Variants in SHANK2 observed in about 807,000 individuals in gnomAD.
SHANK2 encodes SH3 and multiple ankyrin repeat domains protein 2.
Under a neutral mutation model 133.7 loss-of-function variants are expected in SHANK2, and 43 were observed. That is an observed-to-expected ratio of 0.32 (90% CI 0.25 to 0.41). The LOEUF (loss-of-function observed/expected upper bound fraction) is 0.41, where lower values mean the gene tolerates loss of function less well. Among genes scored for constraint, SHANK2 ranks in the 10% least tolerant of loss-of-function variants. The pLI is 1.00. For synonymous variants in SHANK2, 1,017 were observed against 952.8 expected (o/e 1.07, Z -1.24); for missense variants, 1,994 against 2,235.8 (o/e 0.89, Z 2.18).
intron 8 of SHANK2, among the ~76,000 whole-genome samples, chr11:71,086,320 G>A (rs1451658533): frequency 8.6e-6 from 1 of 116,282 alleles, no homozygotes; most frequent in Non-Finnish European, 1.6e-5. Flanking sequence ...TATAGTATAT[G>A]TTATATTATA....
At chr11:70,921,838 G>C (rs1439468446) in intron 10 of SHANK2, among the ~76,000 whole-genome samples, 1 of 152,164 alleles carries the variant, frequency 6.6e-6, no homozygotes, top group Admixed American at 6.5e-5. Context: ...ACATTACCTA[G>C]AGTCTCCATA....
chr11:70,899,876 G>A (rs1390298072), intron 10 of SHANK2, among the ~76,000 whole-genome samples: 1 of 152,256 alleles, frequency 6.6e-6, no homozygotes, highest in African/African-American at 2.4e-5. Flanking sequence ...GAGGTGGAGG[G>A]CATGGGCTCT....
intron 3 of SHANK2, among the ~76,000 whole-genome samples, chr11:71,134,312 T>C (rs1356131685): frequency 2.0e-5 from 3 of 151,418 alleles, no homozygotes; most frequent in Non-Finnish European, 4.4e-5. Context: ...TGGGGTTTCC[T>C]CTTGGGGGGA....
intron 2 of SHANK2, among the ~76,000 whole-genome samples, chr11:71,213,200 T>C (rs1263856635): frequency 6.6e-6 from 1 of 151,988 alleles, no homozygotes; most frequent in Non-Finnish European, 1.5e-5. Flanking sequence ...CAGGGACTCC[T>C]AGCAGCTGAG....
chr11:70,916,166 T>C lies in SHANK2; in HGVS notation c.1108-19599A>G, dbSNP rs189465881. Among the ~76,000 whole-genome samples, 29 of 152,336 alleles carry C rather than the reference T, an allele frequency of 1.9e-4. No individual in the cohort carries two copies. The East Asian group carries it at 5.6e-3, about 29-fold the overall frequency. ...CTAAACCGGGCAATGTGTCTACCTG[T>C]GAATCCTGAGGGATAAAGGACATTC... On this transcript the variant is annotated intron_variant, in intron 10 of 25. Coordinates refer to ENST00000601538, the MANE Select transcript of SHANK2 (RefSeq NM_012309.5).
At chr11:71,106,140 T>G (rs1951799029) in intron 6 of SHANK2, among the ~76,000 whole-genome samples, 1 of 152,206 alleles carries the variant, frequency 6.6e-6, no homozygotes, top group Non-Finnish European at 1.5e-5. Context: ...CTAAAACTGC[T>G]CTAAAAAATC....
At chr11:70,815,333 G>A (rs1314968468) in intron 12 of SHANK2, among the ~76,000 whole-genome samples, 1 of 152,088 alleles carries the variant, frequency 6.6e-6, no homozygotes, top group Non-Finnish European at 1.5e-5. Context: ...GAGGATGGGG[G>A]CAGGGACAAG....
At chr11:70,599,909 A>AAGAAAGAAAG (rs2060463210) in intron 17 of SHANK2, among the ~76,000 whole-genome samples, 1 of 37,506 alleles carries the variant, frequency 2.7e-5, no homozygotes, top group African/African-American at 1.2e-4. Context: ...AAGAAAGAGA[A>AAGAAAGAAAG]AGAAAGAAAG....
chr11:70,667,773 GT>G (rs1944707246), intron 15 of SHANK2: 1 of 152,230 alleles, frequency 6.6e-6, no homozygotes, highest in Non-Finnish European at 1.5e-5. Context: ...GGGGCTCTGG[GT>G]GGCTCTGTGT....
At chr11:70,618,378 A>G (rs2060784055) in intron 17 of SHANK2, among the ~76,000 whole-genome samples, 1 of 152,112 alleles carries the variant, frequency 6.6e-6, no homozygotes, top group Admixed American at 6.5e-5. Context: ...GAACCCACTG[A>G]GAGGGAAAAG....
chr11:70,810,617 C>A (rs1272713345), intron 12 of SHANK2, among the ~76,000 whole-genome samples: 1 of 152,230 alleles, frequency 6.6e-6, no homozygotes, highest in South Asian at 2.1e-4. Flanking sequence ...CCTGAACCTC[C>A]CGTCACTCCC....
chr11:70,839,339 G>A (rs1555060938), intron 11 of SHANK2, among the ~76,000 whole-genome samples: 1 of 152,224 alleles, frequency 6.6e-6, no homozygotes, highest in Admixed American at 6.5e-5. Context: ...GAAAGGGCGG[G>A]TCTGGGCCAG....
At chr11:71,088,519 C>T (rs1951449482) in intron 8 of SHANK2, among the ~76,000 whole-genome samples, 1 of 150,700 alleles carries the variant, frequency 6.6e-6, no homozygotes, top group South Asian at 2.1e-4. Context: ...ACGTCCCCAA[C>T]GTCCATGTCT....
At chr11:70,491,072 C>A (rs2058880493) in intron 22 of SHANK2, among the ~76,000 whole-genome samples, 1 of 152,214 alleles carries the variant, frequency 6.6e-6, no homozygotes, top group African/African-American at 2.4e-5. Flanking sequence ...GAAGCAGAGT[C>A]CTGGTGCTGC....
intron 9 of SHANK2, among the ~76,000 whole-genome samples, chr11:71,070,088 A>C (rs1951123849): frequency 6.6e-6 from 1 of 152,192 alleles, no homozygotes; most frequent in Non-Finnish European, 1.5e-5. Flanking sequence ...TGCAGGACAA[A>C]GGTAGGGGTT....
At chr11:71,237,787 C>CCT (rs1555123903) in intron 1 of SHANK2, among the ~76,000 whole-genome samples, 2 of 152,180 alleles carry the variant, frequency 1.3e-5, no homozygotes, top group Admixed American at 1.3e-4. Context: ...CTCCCCACCT[C>CCT]CTCTCTCTCT....
chr11:70,492,279 C>G (rs901146868), intron 22 of SHANK2, 56 bp downstream of exon 22: 15 of 1,600,418 alleles, frequency 9.4e-6, no homozygotes, highest in Admixed American at 5.0e-5. Flanking sequence ...ACAGCCCACC[C>G]ACTTCCTGGG....
At chr11:70,580,036 T>C (rs573384467) in intron 17 of SHANK2, among the ~76,000 whole-genome samples, 34 of 152,350 alleles carry the variant, frequency 2.2e-4, no homozygotes, top group Admixed American at 5.2e-4. Context: ...ATTGGACTTC[T>C]GGCTTTCACA....
chr11:70,911,371 AC>A (rs1950189188), intron 10 of SHANK2, among the ~76,000 whole-genome samples: 2 of 151,974 alleles, frequency 1.3e-5, no homozygotes, highest in Non-Finnish European at 2.9e-5. Context: ...AAACAAAAAA[AC>A]AAAAAAACAA....
Sources: gnomAD v4.1 joint callset for allele counts (sites outside exome capture counted in the v4.1 genomes callset) on GRCh38, gnomAD v4.1.1 for gene constraint, MANE v1.5 for transcripts, NCBI Gene and HGNC (gene_info 2026-07-23, HGNC 2026-07-21) for gene names.